Variants in ARL6IP4 observed in about 807,000 individuals in gnomAD.
The protein encoded by ARL6IP4 is ADP-ribosylation factor-like protein 6-interacting protein 4.
Under a neutral mutation model 28.1 loss-of-function variants are expected in ARL6IP4, and 24 were observed. The observed-to-expected ratio is 0.86, with a 90% CI of 0.62 to 1.20. The LOEUF is 1.20. ARL6IP4 is among the 50% of genes most tolerant of loss of function. The probability of loss-of-function intolerance (pLI) is 0.00; values close to 1 mark genes in which losing one functional copy is unlikely to be tolerated. For synonymous variants in ARL6IP4, 162 were observed against 122.3 expected (o/e 1.32, Z -2.14); for missense variants, 343 against 302.4 (o/e 1.13, Z -1.00).
intron 1 of ARL6IP4, 75 bp from the exon 2 acceptor site, chr12:122,981,054 G>T (rs1453716231): frequency 6.9e-7 from 1 of 1,454,000 alleles, no homozygotes; most frequent in Non-Finnish European, 9.0e-7. Context: ...CCCCGGCCCC[G>T]CTAGAGCCAC....
At chr12:122,982,391 C>A in intron 4 of ARL6IP4, 78 bp from the exon 5 acceptor site, 1 of 1,406,516 alleles carries the variant, frequency 7.1e-7, no homozygotes, top group Non-Finnish European at 9.8e-7. Context: ...ACCCCTCTGC[C>A]GGCTGCTTGT....
rs114587784 is a variant in ARL6IP4 at position 122,980,909 on chromosome 12, G to A, written c.-12+164G>A. On this transcript the variant is annotated intron_variant, in intron 1 of 5. Transcript: ENST00000315580. ...CCGGGTGCGCAGGCGTGGGGCCTCC[G>A]GGCACGGGGCGGGCCCTTAACAGGC... 6,226 of 1,358,982 alleles carry A rather than the reference G, an allele frequency of 4.6e-3. 256 individuals are homozygous for A. The African/African-American group carries it at 0.086, about 19-fold the overall frequency. 84.2% of individuals were successfully genotyped at this position (1,358,982 alleles called of 1,614,324 possible). A position where few individuals can be genotyped will look rare whatever the true frequency, so the allele number is the denominator to read the frequency against.
chr12:122,982,267 T>C, intron 4 of ARL6IP4, 193 bp downstream of exon 4: 1 of 799,224 alleles, frequency 1.3e-6, no homozygotes, highest in Non-Finnish European at 2.0e-6. Context: ...GAAAGGGCTG[T>C]TGTTGGCCGG....
intron 1 of ARL6IP4, 29 bp from the exon 2 acceptor site, chr12:122,981,100 C>A (rs565045438): frequency 6.5e-7 from 1 of 1,541,448 alleles, no homozygotes; most frequent in Non-Finnish European, 8.7e-7. Context: ...TTGGGGGCTT[C>A]GGCTCAAGCG....
intron 1 of ARL6IP4, 40 bp downstream of exon 1, chr12:122,980,785 G>T: frequency 2.3e-6 from 3 of 1,301,732 alleles, no homozygotes. Flanking sequence ...TTGAGGCGGC[G>T]AGGCCGCGAA....
At position 122,982,672 on chromosome 12, in the gene ARL6IP4, C is replaced by T; in HGVS notation, c.710C>T (p.Pro237Leu). 4 of 1,613,656 alleles carry T rather than the reference C, an allele frequency of 2.5e-6. No homozygotes were observed. Among genetic ancestry groups the T allele is most frequent in the East Asian group, 2.2e-5 (1 of 44,878 alleles). The change falls in exon 6 of 6, where the codon CCC becomes CTC. Residue 237 changes from proline to leucine, a missense_variant. By Grantham distance (98) the Pro-to-Leu change is moderately conservative (BLOSUM62 -3). Transcript: ENST00000315580. ...TTCCAGATGCGAGCTGGGTTGCTTCCCTGAGGGCCCCCGCTGGCCAAGGCC... is the reference window on the plus strand; with the variant it reads ...TTCCAGATGCGAGCTGGGTTGCTTCTCTGAGGGCCCCCGCTGGCCAAGGCC... The part of the protein sequence containing the change: ...LAFQMRAGLL[P>L]
chr12:122,982,092 T>C lies in ARL6IP4; in HGVS notation c.587+18T>C, dbSNP rs1211337135. ...CGCACCAGGTGGGGAGCTTTCGGCCTGACTTACACCACAGGATCTGGGAGT... is the reference window on the plus strand; with the variant it reads ...CGCACCAGGTGGGGAGCTTTCGGCCCGACTTACACCACAGGATCTGGGAGT... On this transcript the variant is annotated intron_variant, in intron 4 of 5. Coordinates refer to ENST00000315580, the MANE Select transcript of ARL6IP4 (RefSeq NM_018694.4). The C allele has an allele frequency of 5.0e-6, 8 of 1,609,006 alleles. No homozygotes were observed. The highest frequency in any genetic ancestry group is 1.3e-5 in the African/African-American group (1 of 74,854).
intron 4 of ARL6IP4, 66 bp downstream of exon 4, chr12:122,982,140 C>A: frequency 6.4e-7 from 1 of 1,559,306 alleles, no homozygotes; most frequent in East Asian, 2.3e-5. Flanking sequence ...TGTGTGCTCT[C>A]GGGAGGAGTG....
rs370610144 is a variant in ARL6IP4, at chr12:122,982,505, C to T, written c.624C>T (p.Ile208=). 4.6e-5 allele frequency: 74 copies of T among 1,614,124 alleles called. No individual in the cohort carries two copies. The Middle Eastern group carries it at 4.9e-4, about 11-fold the overall frequency. ...GAGATGGCGAGGTCCTAGAGGAAAT[C>T]GTAACCAAAGAACGACACAGAGAGA... ...IKGDGEVLEE[I]VTKERHREIN... Residue 208 remains isoleucine, a synonymous_variant, in exon 5 of 6, where the codon ATC becomes ATT. Transcript: ENST00000315580.
At chr12:122,980,844 C>T (rs2037612840) in intron 1 of ARL6IP4, 99 bp downstream of exon 1, 2 of 1,332,594 alleles carry the variant, frequency 1.5e-6, no homozygotes, top group South Asian at 4.2e-5. Context: ...CCCCAGACGC[C>T]ACTCGCGGCG....
At position 122,980,715 on chromosome 12, in the gene ARL6IP4, G is replaced by T. The variant is rs1271387746; in HGVS notation, c.-42G>T. ...GCCGCTTCCTCTCGAGAAGGCGCGGGGCGGGCTGTCCGGCCCGCAGGGCGG... is the reference window on the plus strand; with the variant it reads ...GCCGCTTCCTCTCGAGAAGGCGCGGTGCGGGCTGTCCGGCCCGCAGGGCGG... On this transcript the variant is annotated 5_prime_UTR_variant, in exon 1 of 6. Transcript: ENST00000315580. 7.5e-7 allele frequency: 1 copy of T among 1,328,076 alleles called. No individual in the cohort carries two copies. The highest frequency in any genetic ancestry group is 9.6e-7 in the Non-Finnish European group (1 of 1,043,778). 82.3% of individuals were successfully genotyped at this position (1,328,076 alleles called of 1,614,324 possible).
At chr12:122,980,648 G>C (rs1244918377), upstream of ARL6IP4, 1 of 1,393,048 alleles carries the variant, frequency 7.2e-7, no homozygotes, top group Non-Finnish European at 9.3e-7. Context: ...TTCCCAGCCG[G>C]CCAGCCTCCC....
chr12:122,980,246 C>G (rs60557744), upstream of ARL6IP4: 774 of 1,235,768 alleles, frequency 6.3e-4, 15 homozygotes, highest in East Asian at 0.024. Context: ...ATCCTGGCTT[C>G]CTTCCGGATG....
Position 122,980,684 on chromosome 12 carries a change from C to A in ARL6IP4, c.-73C>A. 1 of 1,343,790 alleles carries A rather than the reference C, an allele frequency of 7.4e-7. No individual in the cohort carries two copies. The highest frequency in any genetic ancestry group is 9.5e-7 in the Non-Finnish European group (1 of 1,053,510). 83.2% of individuals were successfully genotyped at this position (1,343,790 alleles called of 1,614,324 possible). A position where few individuals can be genotyped will look rare whatever the true frequency, so the allele number is the denominator to read the frequency against. ...GCGCAGCGCCCCGGCCGGAAGCCTC[C>A]TCGCCGCCGCTTCCTCTCGAGAAGG... On this transcript the variant is annotated 5_prime_UTR_variant, in exon 1 of 6. Transcript: ENST00000315580.
Position 122,980,759 on chromosome 12 carries a change from AG to A in ARL6IP4, c.-12+15del, listed in dbSNP as rs1458899746. On this transcript the variant is annotated intron_variant, in intron 1 of 5. Transcript: ENST00000315580. ...AGGGCGGTCGAGGTGGGAACGGAGC[AG>A]CCCCGGGGGCCCCCTTGAGGCGGCG... 2 of 1,312,510 alleles carry A rather than the reference AG, an allele frequency of 1.5e-6. No individual in the cohort carries two copies. The highest frequency in any genetic ancestry group is 1.6e-5 in the African/African-American group (1 of 64,504). The allele number at this position is 1,312,510 out of a possible 1,614,324, so 81.3% of individuals were successfully genotyped here.
upstream of ARL6IP4, chr12:122,980,631 G>T: frequency 7.1e-7 from 1 of 1,406,030 alleles, no homozygotes. Flanking sequence ...AGGCAGCGGC[G>T]CCGCGCTTCC....
Position 122,982,786 on chromosome 12 carries a change from T to C in ARL6IP4, c.*110T>C. 8.3e-7 allele frequency: 1 copy of C among 1,199,480 alleles called. No individual in the cohort carries two copies. The highest frequency in any genetic ancestry group is 1.2e-6 in the Non-Finnish European group (1 of 836,742). The allele number at this position is 1,199,480 out of a possible 1,614,324, so 74.3% of individuals were successfully genotyped here. ...TGCTGGTGGCCTTTCCCCCGTGGAT[T>C]GGTCTCTGGCCCAGCCCAGTCTCTT... On this transcript the variant is annotated 3_prime_UTR_variant, in exon 6 of 6. Transcript: ENST00000315580.
chr12:122,981,584 C>A lies in ARL6IP4; in HGVS notation c.174C>A (p.Pro58=), dbSNP rs535469700. The change falls in exon 3 of 6, where the codon CCC becomes CCA. Residue 58 remains proline (P), a synonymous_variant. Transcript: ENST00000315580. ...CTGGCCTTCCAGCCTCACCTTCTCC[C>A]TGCATCACAGAGAGAAGCAAGCAGA... ...TAPGAEASPS[P]CITERSKQKA... 81 of 1,555,288 alleles carry A rather than the reference C, an allele frequency of 5.2e-5. No individual in the cohort carries two copies. In the Admixed American group the frequency reaches 1.2e-3, roughly 22 times the overall value.
chr12:122,980,584 G>T, upstream of ARL6IP4: 1 of 1,383,652 alleles, frequency 7.2e-7, no homozygotes, highest in Non-Finnish European at 9.4e-7. Context: ...GCGGGAGGTG[G>T]GCGCGCCCGG....
Sources: gnomAD v4.1 joint callset for allele counts on GRCh38, gnomAD v4.1.1 for gene constraint, MANE v1.5 for transcripts, NCBI Gene and HGNC (gene_info 2026-07-23, HGNC 2026-07-21) for gene names.